SPDEF: variants seen among roughly 807,000 people sequenced by gnomAD.
SPDEF encodes SAM pointed domain-containing Ets transcription factor.
A neutral mutation model predicts 36.0 loss-of-function variants in SPDEF; 12 were observed. That is an observed-to-expected ratio of 0.33 (90% CI 0.21 to 0.54). The LOEUF (loss-of-function observed/expected upper bound fraction) is 0.54. Ranked by LOEUF, SPDEF falls within the 20% of genes least tolerant of loss-of-function variation. The pLI, the probability that SPDEF is intolerant of heterozygous loss-of-function variation, is 0.93. For missense variants in SPDEF, 388 were observed against 456.9 expected, an observed-to-expected ratio of 0.85 and a Z score of 1.37; for synonymous variants, 205 against 193.0, an observed-to-expected ratio of 1.06 and a Z score of -0.51.
chr6:34,555,082 C>T lies in SPDEF; in HGVS notation c.-30+847G>A, dbSNP rs1360974540. On this transcript the variant is annotated intron_variant, in intron 1 of 5. Coordinates refer to ENST00000374037, the MANE Select transcript of SPDEF (RefSeq NM_012391.3). The surrounding 1 kb of genome is among the most constrained non-coding windows in gnomAD (Gnocchi z 5.2). ...CGCACACACACATGCACATGCAACA[C>T]GCACGCGCACATGCACACACCACAC... is the stretch of plus-strand genomic sequence containing the variant. Among the ~76,000 whole-genome samples, 1 of 151,902 alleles carries T rather than the reference C, an allele frequency of 6.6e-6. No homozygotes were observed. The highest frequency in any genetic ancestry group is 1.5e-5 in the Non-Finnish European group (1 of 67,944).
chr6:34,551,460 C>A (rs769859921), intron 1 of SPDEF, among the ~76,000 whole-genome samples: 4 of 152,222 alleles, frequency 2.6e-5, no homozygotes, highest in Non-Finnish European at 5.9e-5. Flanking sequence ...TCCCTCCAGC[C>A]CTCAGTCTCC....
At chr6:34,542,999 C>G (rs1767857085) in intron 2 of SPDEF, among the ~76,000 whole-genome samples, 1 of 150,988 alleles carries the variant, frequency 6.6e-6, no homozygotes, top group South Asian at 2.1e-4. Context: ...CGAGACCATC[C>G]TGGCTAACAC....
intron 1 of SPDEF, among the ~76,000 whole-genome samples, chr6:34,554,567 G>A (rs1047859541): frequency 2.0e-5 from 3 of 152,080 alleles, no homozygotes; most frequent in African/African-American, 4.8e-5. Context: ...GGTCCCCTAC[G>A]CAGTGAGACC....
intron 1 of SPDEF, among the ~76,000 whole-genome samples, chr6:34,549,826 C>T (rs1477510939): frequency 1.3e-5 from 2 of 152,220 alleles, no homozygotes; most frequent in African/African-American, 2.4e-5. Context: ...TGCTGCTCAG[C>T]CCCCAGCCGG....
intron 1 of SPDEF, among the ~76,000 whole-genome samples, chr6:34,547,561 C>T (rs1282574237): frequency 1.3e-5 from 2 of 152,006 alleles, no homozygotes; most frequent in Non-Finnish European, 2.9e-5. Context: ...GAGACATGGT[C>T]TCACTATGTT....
rs1241832148 is a variant in SPDEF, at chr6:34,537,854, A to C, written c.*420T>G. The C allele has an allele frequency of 1.8e-5, 3 of 167,696 alleles. No individual in the cohort carries two copies. Among genetic ancestry groups the C allele is most frequent in the African/African-American group, 7.1e-5 (3 of 42,120 alleles). The allele number at this position is 167,696 out of a possible 1,614,324, so 10.4% of individuals were successfully genotyped here. On this transcript the variant is annotated 3_prime_UTR_variant, in exon 6 of 6. Coordinates refer to ENST00000374037, the MANE Select transcript of SPDEF (RefSeq NM_012391.3). ...TTCCCGGGGGCACTCCTGGCTGCCC[A>C]ACTCAGGGGTGCAGATGTCTCCCTG...
At chr6:34,541,244 G>T in intron 2 of SPDEF, 63 bp from the exon 3 acceptor site, 1 of 1,464,788 alleles carries the variant, frequency 6.8e-7, no homozygotes, top group Non-Finnish European at 9.2e-7. Flanking sequence ...CTGTGATGGG[G>T]CACCCATGGG....
rs968611739 is a variant in SPDEF at position 34,538,943 on chromosome 6, A to G, written c.829+307T>C. On this transcript the variant is annotated intron_variant, in intron 5 of 5. Coordinates refer to ENST00000374037, the MANE Select transcript of SPDEF (RefSeq NM_012391.3). This position sits in a 1 kb window ranked among gnomAD's most constrained non-coding sequence, Gnocchi z 5.9. ...TATTCTCAGGCAGTTCGGCCTGTGC[A>G]GCCCTCTCTGGCAGGATTAATTAAT... Among the ~76,000 whole-genome samples the G allele has an allele frequency of 1.3e-5, 2 of 152,184 alleles. No homozygotes were observed. Among genetic ancestry groups the G allele is most frequent in the African/African-American group, 4.8e-5 (2 of 41,438 alleles).
Position 34,556,260 on chromosome 6 carries a change from T to G in SPDEF, c.-361A>C, listed in dbSNP as rs1768164558. On this transcript the variant is annotated 5_prime_UTR_variant, in exon 1 of 6. Coordinates refer to ENST00000374037, the MANE Select transcript of SPDEF (RefSeq NM_012391.3). ...GGCAGCAGGCTTGGAGGACTGGGTC[T>G]GTGGGGCAGTGTGGACACGGCAGAG... 1 of 152,414 alleles carries G rather than the reference T, an allele frequency of 6.6e-6. No homozygotes were observed. The highest frequency in any genetic ancestry group is 6.5e-5 in the Admixed American group (1 of 15,290). The allele number at this position is 152,414 out of a possible 1,614,324, so 9.4% of individuals were successfully genotyped here.
chr6:34,538,482 T>C lies in SPDEF; in HGVS notation c.830-30A>G. On this transcript the variant is annotated intron_variant, in intron 5 of 5. Transcript: ENST00000374037. The surrounding 1 kb of genome is among the most constrained non-coding windows in gnomAD (Gnocchi z 5.9). ...AGCAGGAGGGCCCCGAGAGAGCCAG[T>C]GGTATGAGTGAGGTGGCAAGAAGGA... 1 of 1,581,836 alleles carries C rather than the reference T, an allele frequency of 6.3e-7. No individual in the cohort carries two copies. The highest frequency in any genetic ancestry group is 1.4e-5 in the African/African-American group (1 of 73,834).
In SPDEF at chr6:34,555,617, G is replaced by T. The variant is rs967829837; in HGVS notation, c.-30+312C>A. 1.3e-5 allele frequency among the ~76,000 whole-genome samples: 2 copies of T among 151,610 alleles called. No individual in the cohort carries two copies. Among genetic ancestry groups the T allele is most frequent in the Non-Finnish European group, 2.9e-5 (2 of 67,834 alleles). On this transcript the variant is annotated intron_variant, in intron 1 of 5. Transcript: ENST00000374037. This position sits in a 1 kb window ranked among gnomAD's most constrained non-coding sequence, Gnocchi z 5.2. ...AACTGGCTGGGTCTCAGGGGCCGGG[G>T]CTCTGCATCTGCACGGCGGCCTCCC...
Position 34,538,434 on chromosome 6 carries a change from T to A in SPDEF, c.848A>T (p.Asp283Val). The part of the protein sequence containing the change: ...NKEKGIFKIE[D>V]SAQVARLWGI... Reference sequence around the variant, plus strand: ...CCACAGCCGGGCCACCTGGGCTGAGTCCTCAATTTTGAAGATGCCTAGAGC... The same window carrying A: ...CCACAGCCGGGCCACCTGGGCTGAGACCTCAATTTTGAAGATGCCTAGAGC... Residue 283 changes from aspartate to valine, a missense_variant, in exon 6 of 6, where the codon GAC becomes GTC. By Grantham distance (152) the Asp-to-Val change is radical. Transcript: ENST00000374037. This position sits in a 1 kb window ranked among gnomAD's most constrained non-coding sequence, Gnocchi z 5.9. 6.2e-7 allele frequency: 1 copy of A among 1,612,976 alleles called. No individual in the cohort carries two copies. Among genetic ancestry groups the A allele is most frequent in the Non-Finnish European group, 8.5e-7 (1 of 1,179,468 alleles).
chr6:34,546,626 C>T (rs1168486846), intron 1 of SPDEF, among the ~76,000 whole-genome samples: 1 of 152,176 alleles, frequency 6.6e-6, no homozygotes, highest in Non-Finnish European at 1.5e-5. Context: ...CCTCTGCCCA[C>T]CCTCCTTGTG....
Position 34,544,537 on chromosome 6 carries a change from G to T in SPDEF, c.-29-53C>A, listed in dbSNP as rs1205034812. On this transcript the variant is annotated intron_variant, in intron 1 of 5. Transcript: ENST00000374037. The surrounding 1 kb of genome is among the most constrained non-coding windows in gnomAD (Gnocchi z 4.4). ...TGACTGCTTCTCCATCCCTGTGGGG[G>T]CCGCTAAGCTGGTTATGGGGATGAG... 3 of 1,385,252 alleles carry T rather than the reference G, an allele frequency of 2.2e-6. No individual in the cohort carries two copies. The highest frequency in any genetic ancestry group is 2.9e-6 in the Non-Finnish European group (3 of 1,051,068). 85.8% of individuals were successfully genotyped at this position (1,385,252 alleles called of 1,614,324 possible). A position where few individuals can be genotyped will look rare whatever the true frequency, so the allele number is the denominator to read the frequency against.
rs369481714 is a variant in SPDEF, at chr6:34,544,049, G to A, written c.407C>T (p.Thr136Met). 41 of 1,611,986 alleles carry A rather than the reference G, an allele frequency of 2.5e-5. No homozygotes were observed. In the South Asian group the frequency reaches 2.8e-4, roughly 11 times the overall value. Residue 136 changes from threonine (T) to methionine (M), a missense_variant, in exon 2 of 6, where the codon ACG (threonine) becomes ATG (methionine). By Grantham distance (81) the Thr-to-Met change is moderately conservative (BLOSUM62 -1). This residue lies in a region of SPDEF where 308 missense variants were observed against 326.1 expected (regional missense o/e 0.94). Coordinates refer to ENST00000374037, the MANE Select transcript of SPDEF (RefSeq NM_012391.3). This position sits in a 1 kb window ranked among gnomAD's most constrained non-coding sequence, Gnocchi z 4.4. Reference protein sequence around the residue: ...VVGEVLKDIETACKLLNITAD... With the variant: ...VVGEVLKDIEMACKLLNITAD... ...GGTGATGTTGAGCAGCTTGCAGGCC[G>A]TCTCGATGTCCTTGAGCACTTCGCC...
chr6:34,547,828 T>C (rs1767984475), intron 1 of SPDEF, among the ~76,000 whole-genome samples: 1 of 152,040 alleles, frequency 6.6e-6, no homozygotes, highest in African/African-American at 2.4e-5. Context: ...AGGAATCTAC[T>C]CCCCACCAAG....
Position 34,552,567 on chromosome 6 carries a change from C to A in SPDEF, c.-30+3362G>T, listed in dbSNP as rs1289974988. On this transcript the variant is annotated intron_variant, in intron 1 of 5. Coordinates refer to ENST00000374037, the MANE Select transcript of SPDEF (RefSeq NM_012391.3). This position sits in a 1 kb window ranked among gnomAD's most constrained non-coding sequence, Gnocchi z 4.6. ...CGGCCCCTCCAGACCCAGCACAGGC[C>A]AGGGAAGGCAGAGGCCCTCCACACA... 6.6e-6 allele frequency among the ~76,000 whole-genome samples: 1 copy of A among 152,164 alleles called. No homozygotes were observed. Among genetic ancestry groups the A allele is most frequent in the African/African-American group, 2.4e-5 (1 of 41,440 alleles).
Position 34,538,554 on chromosome 6 carries a change from C to T in SPDEF, c.830-102G>A. Reference sequence around the variant, plus strand: ...CAGCCTCGTGGCGAACCAAGGGACCCCGTGCAGAGGCCTCCCCCTGCTCGG... The same window carrying T: ...CAGCCTCGTGGCGAACCAAGGGACCTCGTGCAGAGGCCTCCCCCTGCTCGG... On this transcript the variant is annotated intron_variant, in intron 5 of 5. Coordinates refer to ENST00000374037, the MANE Select transcript of SPDEF (RefSeq NM_012391.3). The surrounding 1 kb of genome is among the most constrained non-coding windows in gnomAD (Gnocchi z 5.9). 2 of 1,231,156 alleles carry T rather than the reference C, an allele frequency of 1.6e-6. No homozygotes were observed. The highest frequency in any genetic ancestry group is 4.3e-5 in the Admixed American group (2 of 47,048). 76.3% of individuals were successfully genotyped at this position (1,231,156 alleles called of 1,614,324 possible).
In SPDEF at chr6:34,544,626, C is replaced by A. The variant is rs1018290446; in HGVS notation, c.-29-142G>T. The A allele has an allele frequency of 3.1e-6, 2 of 637,126 alleles. No individual in the cohort carries two copies. Among genetic ancestry groups the A allele is most frequent in the Middle Eastern group, 4.2e-4 (1 of 2,376 alleles). 39.5% of individuals were successfully genotyped at this position (637,126 alleles called of 1,614,324 possible). A position where few individuals can be genotyped will look rare whatever the true frequency, so the allele number is the denominator to read the frequency against. On this transcript the variant is annotated intron_variant, in intron 1 of 5. Transcript: ENST00000374037. This position sits in a 1 kb window ranked among gnomAD's most constrained non-coding sequence, Gnocchi z 4.4. ...GGGGGCTTCCGGGTCATTGGGCAGC[C>A]ACGACATGGTTGGGCAGACAGGCCT...
Sources: gnomAD v4.1 joint callset for allele counts (sites outside exome capture counted in the v4.1 genomes callset) on GRCh38, gnomAD v4.1.1 for gene constraint, gnomAD v4.1.1 regional missense constraint, Gnocchi (gnomAD v3.1) non-coding constraint, MANE v1.5 for transcripts, NCBI Gene and HGNC (gene_info 2026-07-23, HGNC 2026-07-21) for gene names.